The following EPS15L1 variants were observed in gnomAD, a reference collection of about 807,000 sequenced individuals.
EPS15L1 encodes the protein epidermal growth factor receptor substrate 15-like 1.
Under a neutral mutation model 117.1 loss-of-function variants are expected in EPS15L1, and 43 were observed. That is an observed-to-expected ratio of 0.37 (90% CI 0.29 to 0.47). The LOEUF (loss-of-function observed/expected upper bound fraction) is 0.47. Ranked by LOEUF, EPS15L1 falls within the 20% of genes least tolerant of loss-of-function variation. EPS15L1 has a pLI of 0.99. For missense variants in EPS15L1, 981 were observed against 1,164.0 expected, an observed-to-expected ratio of 0.84 and a Z score of 2.29; for synonymous variants, 459 against 470.5, an observed-to-expected ratio of 0.98 and a Z score of 0.32.
intron 23 of EPS15L1, among the ~76,000 whole-genome samples, chr19:16,359,784 C>T (rs2144622378): frequency 6.6e-6 from 1 of 152,064 alleles, no homozygotes; most frequent in East Asian, 1.9e-4. Context: ...ATTGCTTGAG[C>T]CCAGGAGGTC....
intron 6 of EPS15L1, 150 bp from the exon 7 acceptor site, chr19:16,434,640 C>T: frequency 2.5e-6 from 2 of 805,972 alleles, no homozygotes; most frequent in South Asian, 1.7e-5. Context: ...CAGTCTTGGC[C>T]CCTTGGTTTC....
At chr19:16,445,569 T>C (rs1280019053) in intron 1 of EPS15L1, among the ~76,000 whole-genome samples, 2 of 152,184 alleles carry the variant, frequency 1.3e-5, no homozygotes, top group East Asian at 1.9e-4. Context: ...TGATATGTCA[T>C]TGCGACAGAA....
At chr19:16,443,506 C>A (rs1330020809) in intron 1 of EPS15L1, 2 of 152,136 alleles carry the variant, frequency 1.3e-5, no homozygotes, top group African/African-American at 2.4e-5. Flanking sequence ...GTCAGGAGTT[C>A]GAGACCTGGC....
At chr19:16,355,945 C>A in intron 23 of EPS15L1, 94 bp from the exon 24 acceptor site, 1 of 1,435,330 alleles carries the variant, frequency 7.0e-7, no homozygotes, top group South Asian at 1.3e-5. Flanking sequence ...GGGTCAGGGT[C>A]CTGCCCACCG....
chr19:16,453,388 A>G (rs2093164840), intron 1 of EPS15L1, among the ~76,000 whole-genome samples: 3 of 152,188 alleles, frequency 2.0e-5, no homozygotes, highest in African/African-American at 7.2e-5. Flanking sequence ...TATAGGTGTG[A>G]GCATGCCCAG....
chr19:16,364,214 G>C (rs1178661747), intron 22 of EPS15L1, among the ~76,000 whole-genome samples: 1 of 152,216 alleles, frequency 6.6e-6, no homozygotes, highest in Admixed American at 6.5e-5. Flanking sequence ...TCAGACCCAA[G>C]GCCCAGTTAG....
chr19:16,412,950 C>T lies in EPS15L1; in HGVS notation c.1266+823G>A, dbSNP rs1377145326. On this transcript the variant is annotated intron_variant, in intron 13 of 23. Transcript: ENST00000455140. ...CCCTGGAGGAGAGCTATCTCTTCTC[C>T]CGCCCATCAAGGAATCTGAGATCAT... The T allele has an allele frequency of 7.5e-6, 5 of 664,738 alleles. No individual in the cohort carries two copies. The Admixed American group carries it at 9.7e-5, about 13-fold the overall frequency. The allele number at this position is 664,738 out of a possible 1,614,324, so 41.2% of individuals were successfully genotyped here. A position where few individuals can be genotyped will look rare whatever the true frequency, so the allele number is the denominator to read the frequency against.
intron 13 of EPS15L1, chr19:16,413,044 G>A (rs774553353): frequency 4.5e-5 from 33 of 729,162 alleles, no homozygotes; most frequent in Admixed American, 2.4e-4. Flanking sequence ...AAACAGACCC[G>A]CGCCGGCCAG....
At position 16,413,788 on chromosome 19, in the gene EPS15L1, T is replaced by C. The variant is rs185665261; in HGVS notation, c.1251A>G (p.Lys417=). The C allele has an allele frequency of 1.2e-6, 2 of 1,613,946 alleles. No individual in the cohort carries two copies. The highest frequency in any genetic ancestry group is 2.7e-5 in the African/African-American group (2 of 75,022). ...IREKEEAIRQ[K]TSEVQELQND... ...AGACCCTTACCTGCACCTCGCTGGT[T>C]TTCTGTCTGATTGCCTCTTCCTTTT... Residue 417 remains lysine, a synonymous_variant, in exon 13 of 24, where the codon AAA becomes AAG. Coordinates refer to ENST00000455140, the MANE Select transcript of EPS15L1 (RefSeq NM_001258374.3).
chr19:16,414,143 C>T (rs1363243787), intron 12 of EPS15L1, among the ~76,000 whole-genome samples: 1 of 152,134 alleles, frequency 6.6e-6, no homozygotes, highest in Admixed American at 6.5e-5. Context: ...ACCCAGAGCG[C>T]CCTTGCTGAC....
At chr19:16,445,159 T>C (rs188605102) in intron 1 of EPS15L1, among the ~76,000 whole-genome samples, 1 of 152,306 alleles carries the variant, frequency 6.6e-6, no homozygotes, top group Non-Finnish European at 1.5e-5. Context: ...CAGGCGCTAA[T>C]GAGCAACAAG....
intron 16 of EPS15L1, chr19:16,402,055 G>T: frequency 8.3e-7 from 1 of 1,209,572 alleles, no homozygotes; most frequent in Non-Finnish European, 1.0e-6. Flanking sequence ...AAATACTTCC[G>T]CAGAGATGGA....
At chr19:16,362,626 C>T (rs149412120) in intron 22 of EPS15L1, among the ~76,000 whole-genome samples, 2,915 of 149,086 alleles carry the variant, frequency 0.02, 40 homozygotes, top group Non-Finnish European at 0.033. Flanking sequence ...AGGGCTCAAG[C>T]GATCCTCCCA....
intron 1 of EPS15L1, among the ~76,000 whole-genome samples, chr19:16,469,687 G>T (rs4808513): frequency 5.9e-5 from 9 of 151,774 alleles, no homozygotes; most frequent in African/African-American, 1.7e-4. Context: ...AGACAGGAGT[G>T]GGGGTGGAGA....
rs757129826 is a variant in EPS15L1, at chr19:16,425,199, G to T, written c.676C>A (p.Leu226Met). The T allele has an allele frequency of 1.9e-6, 3 of 1,613,298 alleles. No homozygotes were observed. The highest frequency in any genetic ancestry group is 2.5e-6 in the Non-Finnish European group (3 of 1,179,474). The change falls in exon 9 of 24, where the codon CTG becomes ATG. Residue 226 changes from leucine to methionine, a missense_variant. Transcript: ENST00000455140. ...TCTTTTGGTGGGGGGCTGGCAGGCAGGACGGGGACGGCGCCAGGGAACACA... is the reference window on the plus strand; with the variant it reads ...TCTTTTGGTGGGGGGCTGGCAGGCATGACGGGGACGGCGCCAGGGAACACA... ...KTVFPGAVPV[L>M]PASPPPKDSL... is the part of the protein sequence containing the mutation.
chr19:16,359,196 G>A (rs575406087), intron 23 of EPS15L1, among the ~76,000 whole-genome samples: 65 of 152,320 alleles, frequency 4.3e-4, no homozygotes, highest in African/African-American at 1.4e-3. Flanking sequence ...AAAGAGTCAC[G>A]CTGCCAATCT....
intron 4 of EPS15L1, among the ~76,000 whole-genome samples, chr19:16,439,519 T>A (rs1723315466): frequency 6.6e-6 from 1 of 151,530 alleles, no homozygotes; most frequent in African/African-American, 2.4e-5. Flanking sequence ...TGAGACCTCG[T>A]CTCTACAAAA....
intron 1 of EPS15L1, among the ~76,000 whole-genome samples, chr19:16,461,654 A>T (rs533978272): frequency 5.9e-5 from 9 of 152,250 alleles, no homozygotes; most frequent in Admixed American, 4.6e-4. Context: ...AAGAAAAGCC[A>T]GTTTTCTACA....
At chr19:16,464,674 C>A (rs1300824562) in intron 1 of EPS15L1, among the ~76,000 whole-genome samples, 1 of 152,130 alleles carries the variant, frequency 6.6e-6, no homozygotes, top group Non-Finnish European at 1.5e-5. Flanking sequence ...CCAGGGGTGT[C>A]CAATCTTTTG....
Sources: gnomAD v4.1 joint callset for allele counts (sites outside exome capture counted in the v4.1 genomes callset) on GRCh38, gnomAD v4.1.1 for gene constraint, MANE v1.5 for transcripts, NCBI Gene and HGNC (gene_info 2026-07-23, HGNC 2026-07-21) for gene names.